BANK1: variants seen among roughly 807,000 people sequenced by gnomAD.
BANK1 encodes the protein B cell scaffold protein with ankyrin repeats 1.
BANK1 carries 95 observed loss-of-function variants against 94.5 expected under a neutral mutation model. The observed-to-expected ratio is 1.00, with a 90% confidence interval of 0.85 to 1.19. BANK1 has a LOEUF of 1.19. BANK1 is among the 50% of genes most tolerant of loss of function. BANK1 has a pLI of 0.00. For synonymous variants in BANK1, 334 were observed against 308.4 expected (o/e 1.08, Z -0.87); for missense variants, 987 against 932.2 (o/e 1.06, Z -0.77).
chr4:101,885,840 A>G (rs1203478357), intron 5 of BANK1, among the ~76,000 whole-genome samples: 1 of 152,242 alleles, frequency 6.6e-6, no homozygotes, highest in East Asian at 1.9e-4. Context: ...GGCTAGGAGT[A>G]TAGCCTGCTA....
intron 7 of BANK1, among the ~76,000 whole-genome samples, chr4:101,931,261 C>G (rs1394485442): frequency 6.6e-6 from 1 of 151,534 alleles, no homozygotes; most frequent in Non-Finnish European, 1.5e-5. Flanking sequence ...ATGAGATTAA[C>G]ATTTAAATTT....
chr4:101,859,097 AC>A (rs1257211170), intron 3 of BANK1, among the ~76,000 whole-genome samples: 7 of 152,352 alleles, frequency 4.6e-5, no homozygotes, highest in African/African-American at 1.4e-4. Context: ...TACTTCTGAT[AC>A]CAAATCACAA....
chr4:101,815,299 C>T (rs13136297), intron 1 of BANK1, among the ~76,000 whole-genome samples: 58,422 of 151,792 alleles, frequency 0.38, 11,336 homozygotes, highest in Admixed American at 0.45. Context: ...CTGAATCCTG[C>T]CCCTCCAGGG....
intron 7 of BANK1, among the ~76,000 whole-genome samples, chr4:101,936,525 CAT>C (rs1429934349): frequency 1.3e-5 from 2 of 149,660 alleles, no homozygotes; most frequent in African/African-American, 4.9e-5. Context: ...GTATACTAGA[CAT>C]ATAAGATGAT....
chr4:101,845,374 T>C (rs892206736), intron 2 of BANK1, among the ~76,000 whole-genome samples: 2 of 152,186 alleles, frequency 1.3e-5, no homozygotes, highest in Non-Finnish European at 2.9e-5. Flanking sequence ...AAAATATTCC[T>C]AAATATATCA....
At chr4:101,974,184 T>C (rs1416034183) in intron 7 of BANK1, among the ~76,000 whole-genome samples, 1 of 152,168 alleles carries the variant, frequency 6.6e-6, no homozygotes, top group African/African-American at 2.4e-5. Context: ...AATCTTGTTT[T>C]ATGTCAAAAA....
rs1482784726 is a variant in BANK1, at chr4:101,855,096, A to G, written c.531A>G (p.Glu177=). 6.2e-6 allele frequency: 10 copies of G among 1,613,460 alleles called. No homozygotes were observed. Among genetic ancestry groups the G allele is most frequent in the Non-Finnish European group, 7.6e-6 (9 of 1,179,546 alleles). ...ACCTACGAGCAAAACATTCTGGGGAAATAAGTGAGAGAAAGGAAATTGAAG... is the reference window on the plus strand; with the variant it reads ...ACCTACGAGCAAAACATTCTGGGGAGATAAGTGAGAGAAAGGAAATTGAAG... The part of the protein sequence containing the change: ...PTDLRAKHSG[E]ISERKEIEEL... The change falls in exon 3 of 17, where the codon GAA becomes GAG. Residue 177 remains glutamate (E), a synonymous_variant. Coordinates refer to ENST00000322953, the MANE Select transcript of BANK1 (RefSeq NM_017935.5).
chr4:101,827,552 G>A (rs148236393), intron 1 of BANK1, among the ~76,000 whole-genome samples: 181 of 152,036 alleles, frequency 1.2e-3, no homozygotes, highest in African/African-American at 4.1e-3. Flanking sequence ...TAAAATGTGC[G>A]TTTTGTAGTG....
chr4:101,872,379 C>G (rs1728324765), intron 5 of BANK1, among the ~76,000 whole-genome samples: 1 of 152,112 alleles, frequency 6.6e-6, no homozygotes, highest in Non-Finnish European at 1.5e-5. Flanking sequence ...CAGACCAGAT[C>G]AAGCTGTACT....
intron 1 of BANK1, among the ~76,000 whole-genome samples, chr4:101,793,666 G>A (rs1322155117): frequency 6.6e-6 from 1 of 152,054 alleles, no homozygotes; most frequent in Non-Finnish European, 1.5e-5. Flanking sequence ...CTGTGACCTT[G>A]AATAAATAAT....
At chr4:101,963,966 A>G (rs1724659842) in intron 7 of BANK1, among the ~76,000 whole-genome samples, 2 of 152,028 alleles carry the variant, frequency 1.3e-5, no homozygotes, top group African/African-American at 2.4e-5. Context: ...CTCCTCCTAC[A>G]TTGACAGCTC....
intron 2 of BANK1, among the ~76,000 whole-genome samples, chr4:101,834,038 A>G (rs945353943): frequency 2.0e-5 from 3 of 152,192 alleles, no homozygotes; most frequent in African/African-American, 7.2e-5. Flanking sequence ...CTCCACACCC[A>G]TAATTTCTAT....
chr4:101,917,905 T>C (rs1193665908), intron 6 of BANK1, 88 bp from the exon 7 acceptor site: 1 of 903,260 alleles, frequency 1.1e-6, no homozygotes, highest in Non-Finnish European at 1.6e-6. Context: ...TTATGGGAAT[T>C]ACTTTTAGGA....
rs780369283 is a variant in BANK1, at chr4:102,060,198, C to T, written c.1970-13C>T. The T allele has an allele frequency of 4.5e-6, 7 of 1,550,554 alleles. No homozygotes were observed. The highest frequency in any genetic ancestry group is 1.4e-5 in the African/African-American group (1 of 70,772). ...TGGACTTTCTGTTAATGCACCCTCC[C>T]CTTGTATTTTAGACAGAGCTCGGAT... is the stretch of plus-strand genomic sequence containing the variant. On this transcript the variant is annotated splice_polypyrimidine_tract_variant and intron_variant, in intron 11 of 16. Transcript: ENST00000322953.
intron 5 of BANK1, among the ~76,000 whole-genome samples, chr4:101,877,690 G>T (rs1270900876): frequency 6.6e-6 from 1 of 152,098 alleles, no homozygotes; most frequent in Non-Finnish European, 1.5e-5. Flanking sequence ...TTTGAGTCCA[G>T]CCTGGCCATC....
intron 7 of BANK1, among the ~76,000 whole-genome samples, chr4:102,004,543 G>C (rs1726185298): frequency 1.3e-5 from 2 of 152,160 alleles, no homozygotes; most frequent in Non-Finnish European, 2.9e-5. Flanking sequence ...TTGGATGGCA[G>C]CTGTGAAGTA....
intron 7 of BANK1, among the ~76,000 whole-genome samples, chr4:102,012,967 A>G (rs1726560804): frequency 6.6e-6 from 1 of 152,076 alleles, no homozygotes; most frequent in Non-Finnish European, 1.5e-5. Context: ...AATTAAAGCA[A>G]CTTTTTGAAC....
At chr4:101,819,846 G>A (rs1314162117) in intron 1 of BANK1, among the ~76,000 whole-genome samples, 1 of 152,134 alleles carries the variant, frequency 6.6e-6, no homozygotes, top group Non-Finnish European at 1.5e-5. Context: ...GTCAGTAGAC[G>A]AAATCCAGCT....
chr4:101,791,041 C>A, intron 1 of BANK1, 91 bp downstream of exon 1: 1 of 1,076,616 alleles, frequency 9.3e-7, no homozygotes, highest in South Asian at 1.7e-5. Context: ...CAACTGCACT[C>A]GGGCACTGAG....
Sources: gnomAD v4.1 joint callset for allele counts (sites outside exome capture counted in the v4.1 genomes callset) on GRCh38, gnomAD v4.1.1 for gene constraint, MANE v1.5 for transcripts, NCBI Gene and HGNC (gene_info 2026-07-23, HGNC 2026-07-21) for gene names.